CDH18: variants seen among roughly 807,000 people sequenced by gnomAD.
CDH18 encodes cadherin 18, also known as cadherin-18.
Under a neutral mutation model 67.9 loss-of-function variants are expected in CDH18, and 31 were observed. That is an observed-to-expected ratio of 0.46 (90% CI 0.34 to 0.62). The LOEUF (loss-of-function observed/expected upper bound fraction) is 0.62. Among genes scored for constraint, CDH18 ranks in the 20% least tolerant of loss-of-function variants. The pLI, the probability that CDH18 is intolerant of heterozygous loss-of-function variation, is 0.01. For synonymous variants in CDH18, 362 were observed against 347.2 expected, an observed-to-expected ratio of 1.04 and a Z score of -0.48; for missense variants, 890 against 975.5, an observed-to-expected ratio of 0.91 and a Z score of 1.17.
chr5:19,558,668 CA>C (rs1188630005), intron 8 of CDH18, among the ~76,000 whole-genome samples: 3 of 151,186 alleles, frequency 2.0e-5, no homozygotes, highest in Non-Finnish European at 3.0e-5. Context: ...TTACCAACAA[CA>C]AAAAAAAGTC....
At chr5:20,065,423 C>A (rs1320462982) in intron 2 of CDH18, among the ~76,000 whole-genome samples, 1 of 151,812 alleles carries the variant, frequency 6.6e-6, no homozygotes, top group Non-Finnish European at 1.5e-5. Flanking sequence ...GTAGTTTAGA[C>A]ACTTATAATT....
At chr5:20,402,941 C>A (rs1745898998) in intron 1 of CDH18, among the ~76,000 whole-genome samples, 1 of 151,042 alleles carries the variant, frequency 6.6e-6, no homozygotes, top group East Asian at 1.9e-4. Flanking sequence ...AAAGAATGTT[C>A]ACAGACCAAA....
At chr5:20,168,998 G>T (rs541647672) in intron 2 of CDH18, among the ~76,000 whole-genome samples, 5 of 152,192 alleles carry the variant, frequency 3.3e-5, no homozygotes, top group African/African-American at 1.2e-4. Context: ...AGGAGGCTAG[G>T]GTTGGGAAGT....
chr5:20,040,829 T>C (rs1459379533), intron 2 of CDH18, among the ~76,000 whole-genome samples: 1 of 152,090 alleles, frequency 6.6e-6, no homozygotes, highest in Non-Finnish European at 1.5e-5. Context: ...CCAGTATCCA[T>C]TGGGAGGCTG....
In CDH18 at chr5:19,784,244, T is replaced by A. The variant is rs536674948; in HGVS notation, c.229-37008A>T. Among the ~76,000 whole-genome samples the A allele has an allele frequency of 2.6e-5, 4 of 152,300 alleles. No individual in the cohort carries two copies. In the East Asian group the frequency reaches 7.7e-4, roughly 29 times the overall value. On this transcript the variant is annotated intron_variant, in intron 3 of 12. Transcript: ENST00000382275. ...GAAAAATTCAAACAGTTTATGAGTA[T>A]GTTCAAAACTTGTAGAACAGATGAT...
At chr5:20,348,058 C>A (rs1332572954) in intron 1 of CDH18, among the ~76,000 whole-genome samples, 1 of 152,144 alleles carries the variant, frequency 6.6e-6, no homozygotes, top group African/African-American at 2.4e-5. Context: ...CTGCAACACT[C>A]TCAACTCTTT....
intron 2 of CDH18, among the ~76,000 whole-genome samples, chr5:20,240,970 A>C (rs1742849519): frequency 6.6e-6 from 1 of 152,246 alleles, no homozygotes; most frequent in Non-Finnish European, 1.5e-5. Flanking sequence ...TATATTCATC[A>C]AATGGTGAAA....
chr5:20,004,169 T>C (rs935979065), intron 2 of CDH18, among the ~76,000 whole-genome samples: 1 of 152,186 alleles, frequency 6.6e-6, no homozygotes, highest in Non-Finnish European at 1.5e-5. Flanking sequence ...CACGACATGG[T>C]CTGGATCTGG....
chr5:20,393,380 G>A (rs1745024254), intron 1 of CDH18, among the ~76,000 whole-genome samples: 1 of 151,550 alleles, frequency 6.6e-6, no homozygotes, highest in African/African-American at 2.4e-5. Context: ...GTTAATGAAA[G>A]GGTTTTGTTG....
intron 1 of CDH18, among the ~76,000 whole-genome samples, chr5:20,425,211 C>CA (rs1249382190): frequency 2.7e-5 from 4 of 150,266 alleles, no homozygotes; most frequent in African/African-American, 1.0e-4. Flanking sequence ...ACTAAAGATA[C>CA]AAAAAATTAG....
At chr5:20,386,501 G>T (rs1334259039) in intron 1 of CDH18, among the ~76,000 whole-genome samples, 1 of 152,056 alleles carries the variant, frequency 6.6e-6, no homozygotes, top group Non-Finnish European at 1.5e-5. Flanking sequence ...TGTATTTTTA[G>T]ATCAGAGAAG....
At chr5:19,943,933 C>T (rs1795066920) in intron 2 of CDH18, among the ~76,000 whole-genome samples, 1 of 151,968 alleles carries the variant, frequency 6.6e-6, no homozygotes, top group Non-Finnish European at 1.5e-5. Context: ...TACCAAAAAT[C>T]AGTAGTTACA....
intron 1 of CDH18, among the ~76,000 whole-genome samples, chr5:20,462,569 T>G (rs994252573): frequency 6.6e-6 from 1 of 152,222 alleles, no homozygotes; most frequent in Non-Finnish European, 1.5e-5. Context: ...ACTTGATAAT[T>G]ATGTATTCTA....
intron 4 of CDH18, among the ~76,000 whole-genome samples, chr5:19,738,563 G>A (rs1768665697): frequency 6.6e-6 from 1 of 152,182 alleles, no homozygotes. Flanking sequence ...AAAACATGAT[G>A]TACCAATTAA....
chr5:19,672,350 C>T (rs1758862676), intron 5 of CDH18, among the ~76,000 whole-genome samples: 1 of 152,092 alleles, frequency 6.6e-6, no homozygotes, highest in Non-Finnish European at 1.5e-5. Flanking sequence ...ATTTACAGAA[C>T]TTCTGTGAGA....
At chr5:19,896,624 A>T (rs1789369542) in intron 2 of CDH18, among the ~76,000 whole-genome samples, 2 of 152,192 alleles carry the variant, frequency 1.3e-5, no homozygotes, top group African/African-American at 4.8e-5. Flanking sequence ...CTGACTTTGG[A>T]CTTCTGGTAT....
intron 1 of CDH18, among the ~76,000 whole-genome samples, chr5:20,511,437 T>C (rs1480930785): frequency 1.3e-5 from 2 of 152,146 alleles, no homozygotes; most frequent in African/African-American, 4.8e-5. Context: ...AGCCATTTTT[T>C]TGCCAGCCAT....
chr5:20,384,618 T>C (rs1458585271), intron 1 of CDH18, among the ~76,000 whole-genome samples: 1 of 152,116 alleles, frequency 6.6e-6, no homozygotes, highest in Non-Finnish European at 1.5e-5. Flanking sequence ...GATTGATGGA[T>C]CATATGAAAG....
chr5:19,571,068 C>T (rs1300859636), intron 8 of CDH18, among the ~76,000 whole-genome samples: 1 of 152,174 alleles, frequency 6.6e-6, no homozygotes, highest in East Asian at 1.9e-4. Flanking sequence ...GGCCACTTTG[C>T]TGAGTGCTTT....
Sources: gnomAD v4.1 joint callset for allele counts (sites outside exome capture counted in the v4.1 genomes callset) on GRCh38, gnomAD v4.1.1 for gene constraint, MANE v1.5 for transcripts, NCBI Gene and HGNC (gene_info 2026-07-23, HGNC 2026-07-21) for gene names.